Variants in CRISP2 observed in about 807,000 individuals in gnomAD.
CRISP2 encodes the protein cysteine-rich secretory protein 2.
In CRISP2, 29 loss-of-function variants were observed where a neutral mutation model predicts 31.7. The observed-to-expected ratio is 0.92, with a 90% CI of 0.68 to 1.25. The LOEUF (loss-of-function observed/expected upper bound fraction) is 1.25. Among genes scored for constraint, CRISP2 ranks in the 50% most tolerant of loss-of-function variants. CRISP2 has a pLI of 0.00. For missense variants in CRISP2, 318 were observed against 286.5 expected, an observed-to-expected ratio of 1.11 and a Z score of -0.79; for synonymous variants, 111 against 101.4, an observed-to-expected ratio of 1.09 and a Z score of -0.57.
chr6:49,694,736 T>G (rs1250252967), intron 9 of CRISP2, among the ~76,000 whole-genome samples: 1 of 91,698 alleles, frequency 1.1e-5, no homozygotes, highest in African/African-American at 3.5e-5. Flanking sequence ...TCAACTATTT[T>G]TTTCTTTTTT....
chr6:49,681,066 C>T, the CRISP2 span, among the ~76,000 whole-genome samples: 1 of 152,104 alleles, frequency 6.6e-6, no homozygotes, highest in East Asian at 1.9e-4. Flanking sequence ...GAAATCTTTG[C>T]CCATGCCTAT....
rs867578978 is a variant in CRISP2 at position 49,695,780 on chromosome 6, A to G, written c.604+56T>C. The stretch of plus-strand genomic sequence containing the variant: ...AGGAGATTTGTTAAATTATATAAAG[A>G]AAAGATAATATCAATTCTATAATAA... On this transcript the variant is annotated intron_variant, in intron 9 of 9. Coordinates refer to ENST00000339139, the MANE Select transcript of CRISP2 (RefSeq NM_003296.4). 6.2e-6 allele frequency: 8 copies of G among 1,295,244 alleles called. No homozygotes were observed. The Middle Eastern group carries it at 1.5e-3, about 250-fold the overall frequency. 80.2% of individuals were successfully genotyped at this position (1,295,244 alleles called of 1,614,324 possible).
the CRISP2 span, among the ~76,000 whole-genome samples, chr6:49,676,870 G>A: frequency 0.028 from 4,328 of 152,192 alleles, 221 homozygotes; most frequent in African/African-American, 0.099. Flanking sequence ...TTGCTAGGTC[G>A]TTCAGAGCAG....
chr6:49,700,002 T>C, intron 5 of CRISP2, 111 bp from the exon 6 acceptor site: 1 of 876,320 alleles, frequency 1.1e-6, no homozygotes, highest in Non-Finnish European at 1.8e-6. Context: ...TATTCTCTAA[T>C]ACTACTGTTA....
intron 1 of CRISP2, among the ~76,000 whole-genome samples, chr6:49,712,805 C>T (rs1768269305): frequency 6.6e-6 from 1 of 152,122 alleles, no homozygotes; most frequent in African/African-American, 2.4e-5. Context: ...CCTGATATTT[C>T]CTTCAAACAC....
the CRISP2 span, among the ~76,000 whole-genome samples, chr6:49,679,768 C>T: frequency 2.6e-5 from 4 of 151,912 alleles, no homozygotes; most frequent in African/African-American, 9.7e-5. Context: ...TGCAGTGGCA[C>T]GATCTTGGCT....
At chr6:49,698,022 A>T (rs950182772) in intron 7 of CRISP2, 65 bp from the exon 8 acceptor site, 2 of 1,287,680 alleles carry the variant, frequency 1.6e-6, no homozygotes, top group African/African-American at 1.5e-5. Context: ...TATTTAAAAA[A>T]GTAGCAAATA....
At position 49,709,354 on chromosome 6, in the gene CRISP2, T is replaced by C. The variant is rs1481930916; in HGVS notation, c.-9-149A>G. The C allele has an allele frequency of 7.3e-6, 5 of 688,438 alleles. No individual in the cohort carries two copies. The African/African-American group carries it at 9.1e-5, about 12-fold the overall frequency. The allele number at this position is 688,438 out of a possible 1,614,324, so 42.6% of individuals were successfully genotyped here. ...ATGGAACAAAAGAAGAATTGCCCTA[T>C]GGTACTAGTAGAATCATAATGAGGC... On this transcript the variant is annotated intron_variant, in intron 3 of 9. Coordinates refer to ENST00000339139, the MANE Select transcript of CRISP2 (RefSeq NM_003296.4).
the CRISP2 span, among the ~76,000 whole-genome samples, chr6:49,683,678 AAAAAAAAAAAAAAAAAATATATATAT>A: frequency 6.1e-5 from 2 of 32,810 alleles, no homozygotes; most frequent in East Asian, 1.3e-3. Flanking sequence ...AAAAAAAAAA[AAAAAAAAAAAAAAAAAATATATATAT>A]ATATATATAT....
In CRISP2 at chr6:49,698,243, A is replaced by T. The variant is rs961235737; in HGVS notation, c.417+119T>A. ...AGCTCTACAACAGCCAAATGCCAAG[A>T]CTGTATTCTACCCACTCGGACTGTT... On this transcript the variant is annotated intron_variant, in intron 7 of 9. Transcript: ENST00000339139. 2.5e-6 allele frequency: 3 copies of T among 1,181,334 alleles called. No homozygotes were observed. The Admixed American group carries it at 7.9e-5, about 31-fold the overall frequency. The allele number at this position is 1,181,334 out of a possible 1,614,324, so 73.2% of individuals were successfully genotyped here.
intron 4 of CRISP2, among the ~76,000 whole-genome samples, chr6:49,706,554 A>C (rs1284594259): frequency 6.6e-6 from 1 of 152,172 alleles, no homozygotes; most frequent in Non-Finnish European, 1.5e-5. Context: ...GGGGCCTGCT[A>C]AGCCTGGAGG....
At chr6:49,698,278 T>C in intron 7 of CRISP2, 84 bp downstream of exon 7, 1 of 1,460,502 alleles carries the variant, frequency 6.8e-7, no homozygotes, top group Admixed American at 1.9e-5. Context: ...TCTCCTAAAT[T>C]GAACATTACA....
At chr6:49,679,689 G>GTTT in the CRISP2 span, among the ~76,000 whole-genome samples, 21,882 of 150,396 alleles carry the variant, frequency 0.15, 1,656 homozygotes, top group African/African-American at 0.17. Context: ...CAGTGTTGTT[G>GTTT]TTTTTTTTTG....
the CRISP2 span, among the ~76,000 whole-genome samples, chr6:49,678,800 A>G: frequency 6.6e-6 from 1 of 152,082 alleles, no homozygotes; most frequent in East Asian, 1.9e-4. Context: ...CACCTGAAAA[A>G]GAGGTTAGGT....
chr6:49,691,563 T>C (rs1764055340), downstream of CRISP2, among the ~76,000 whole-genome samples: 1 of 152,044 alleles, frequency 6.6e-6, no homozygotes, highest in South Asian at 2.1e-4. Flanking sequence ...AATTTTTTCA[T>C]CTATGCTCAT....
intron 9 of CRISP2, among the ~76,000 whole-genome samples, chr6:49,694,243 T>A (rs990853672): frequency 6.6e-6 from 1 of 152,192 alleles, no homozygotes; most frequent in Non-Finnish European, 1.5e-5. Context: ...CCTTGATGCA[T>A]CTGAAGCCCA....
At chr6:49,708,783 C>T (rs1413849718) in intron 4 of CRISP2, among the ~76,000 whole-genome samples, 2 of 152,150 alleles carry the variant, frequency 1.3e-5, no homozygotes, top group Non-Finnish European at 1.5e-5. Context: ...AAAATATTAT[C>T]ATTTCATCAT....
chr6:49,696,196 C>G (rs1358364584), intron 8 of CRISP2, among the ~76,000 whole-genome samples: 1 of 151,912 alleles, frequency 6.6e-6, no homozygotes, highest in African/African-American at 2.4e-5. Context: ...TTCAGTGTGG[C>G]AACACTATCT....
chr6:49,708,571 GACC>G (rs1255705020), intron 4 of CRISP2, among the ~76,000 whole-genome samples: 5 of 152,164 alleles, frequency 3.3e-5, no homozygotes, highest in Admixed American at 3.3e-4. Flanking sequence ...CAGTGGCAGA[GACC>G]ACCAGAAGGT....
Sources: gnomAD v4.1 joint callset for allele counts (sites outside exome capture counted in the v4.1 genomes callset) on GRCh38, gnomAD v4.1.1 for gene constraint, MANE v1.5 for transcripts, NCBI Gene and HGNC (gene_info 2026-07-23, HGNC 2026-07-21) for gene names.